Variants in WWOX observed in about 807,000 individuals in gnomAD.
WWOX encodes the protein WW domain-containing oxidoreductase.
A neutral mutation model predicts 46.2 loss-of-function variants in WWOX; 69 were observed. The ratio of observed to expected loss-of-function variants is 1.49; its 90% CI spans 1.23 to 1.82. WWOX has a LOEUF of 1.82. WWOX is among the 40% of genes most tolerant of loss of function. WWOX has a pLI of 0.00. For synonymous variants in WWOX, 359 were observed against 202.6 expected (o/e 1.77, Z -6.56); for missense variants, 919 against 542.6 (o/e 1.69, Z -6.89).
rs139009372 is a variant in WWOX at position 78,266,874 on chromosome 16, C to A, written c.516+102585C>A. ...TCATAGTGATATGGTTTGGCTGTGTCCCCATCCAAATCTCAACTTGAATTG... is the reference window on the plus strand; with the variant it reads ...TCATAGTGATATGGTTTGGCTGTGTACCCATCCAAATCTCAACTTGAATTG... On this transcript the variant is annotated intron_variant, in intron 5 of 8. Coordinates refer to ENST00000566780, the MANE Select transcript of WWOX (RefSeq NM_016373.4). Among the ~76,000 whole-genome samples, 883 of 147,662 alleles carry A rather than the reference C, an allele frequency of 6.0e-3. 4 individuals are homozygous for A. The highest frequency in any genetic ancestry group is 9.1e-3 in the Non-Finnish European group (612 of 67,300).
chr16:78,351,095 T>C (rs1008319149), intron 5 of WWOX, among the ~76,000 whole-genome samples: 4 of 152,260 alleles, frequency 2.6e-5, no homozygotes, highest in Non-Finnish European at 5.9e-5. Flanking sequence ...ATGATTTTTT[T>C]CAGCGGTTAT....
chr16:78,161,119 C>T (rs1015802151), intron 4 of WWOX, among the ~76,000 whole-genome samples: 1 of 151,942 alleles, frequency 6.6e-6, no homozygotes, highest in African/African-American at 2.4e-5. Flanking sequence ...CCGTGTTATA[C>T]AGTATACCTT....
chr16:78,619,407 C>G lies in WWOX; in HGVS notation c.1056+186655C>G, dbSNP rs142705791. On this transcript the variant is annotated intron_variant, in intron 8 of 8. Transcript: ENST00000566780. ...TAATGCAAGTAGAAAAGGGCACACA[C>G]TCCAGGTGTATATCTCAACAAATTT... 6.2e-4 allele frequency among the ~76,000 whole-genome samples: 90 copies of G among 144,564 alleles called. 2 individuals are homozygous for G. The East Asian group carries it at 0.018, about 28-fold the overall frequency. 94.8% of individuals were successfully genotyped at this position (144,564 alleles called of 152,430 possible).
intron 8 of WWOX, among the ~76,000 whole-genome samples, chr16:78,927,442 T>G (rs1042786137): frequency 1.6e-4 from 25 of 152,230 alleles, no homozygotes; most frequent in African/African-American, 5.8e-4. Flanking sequence ...TGTTTGTTTG[T>G]AAATTCTCTG....
chr16:78,340,007 A>T (rs1441179704), intron 5 of WWOX, among the ~76,000 whole-genome samples: 1 of 23,866 alleles, frequency 4.2e-5, no homozygotes, highest in African/African-American at 1.2e-4. Flanking sequence ...TAGTCTTTCC[A>T]TGGATTTGGT....
intron 8 of WWOX, among the ~76,000 whole-genome samples, chr16:79,079,412 TCATC>T (rs938721755): frequency 6.6e-6 from 1 of 152,248 alleles, no homozygotes; most frequent in African/African-American, 2.4e-5. Flanking sequence ...CGGTATCCAT[TCATC>T]CATCCATCCA....
intron 8 of WWOX, among the ~76,000 whole-genome samples, chr16:78,694,231 A>T (rs961752008): frequency 6.6e-6 from 1 of 152,166 alleles, no homozygotes; most frequent in Non-Finnish European, 1.5e-5. Context: ...AAATAAAATA[A>T]AATGGATTTA....
At chr16:78,746,263 C>G (rs960477692) in intron 8 of WWOX, among the ~76,000 whole-genome samples, 3 of 152,122 alleles carry the variant, frequency 2.0e-5, no homozygotes, top group African/African-American at 7.2e-5. Flanking sequence ...ATTGGGAGGC[C>G]AAGGCAGGAG....
intron 6 of WWOX, among the ~76,000 whole-genome samples, chr16:78,417,773 T>C (rs535017420): frequency 4.6e-5 from 7 of 152,308 alleles, no homozygotes; most frequent in African/African-American, 1.2e-4. Flanking sequence ...GCCTATCTCT[T>C]CACAGAGTAG....
Position 78,943,444 on chromosome 16 carries a change from G to T in WWOX, c.1057-268164G>T, listed in dbSNP as rs145283438. On this transcript the variant is annotated intron_variant, in intron 8 of 8. Coordinates refer to ENST00000566780, the MANE Select transcript of WWOX (RefSeq NM_016373.4). ...ATCCAGACCTGGAGAACTCCTAGAGGGAGAAACAGGGAGGACCCAGGCACA... is the reference window on the plus strand; with the variant it reads ...ATCCAGACCTGGAGAACTCCTAGAGTGAGAAACAGGGAGGACCCAGGCACA... 3.6e-4 allele frequency among the ~76,000 whole-genome samples: 54 copies of T among 151,220 alleles called. No homozygotes were observed. The East Asian group carries it at 9.9e-3, about 28-fold the overall frequency.
chr16:78,261,386 C>T (rs1227035107), intron 5 of WWOX, among the ~76,000 whole-genome samples: 1 of 147,722 alleles, frequency 6.8e-6, no homozygotes, highest in East Asian at 2.0e-4. Context: ...GCCTAGGCGA[C>T]AGAGCAAGAC....
chr16:78,253,946 A>G (rs940542327), intron 5 of WWOX, among the ~76,000 whole-genome samples: 1 of 152,272 alleles, frequency 6.6e-6, no homozygotes, highest in East Asian at 1.9e-4. Context: ...TGCCTTACAA[A>G]TTGAGTGCAA....
intron 5 of WWOX, among the ~76,000 whole-genome samples, chr16:78,361,506 C>T (rs192902065): frequency 1.1e-4 from 16 of 152,158 alleles, no homozygotes; most frequent in Admixed American, 5.9e-4. Context: ...CAGTGTTTAC[C>T]ATGATGCTTG....
intron 8 of WWOX, among the ~76,000 whole-genome samples, chr16:78,863,778 A>G (rs996444512): frequency 1.3e-5 from 2 of 152,200 alleles, no homozygotes; most frequent in Non-Finnish European, 2.9e-5. Context: ...TCATAAACAA[A>G]CTATCACAGG....
intron 8 of WWOX, among the ~76,000 whole-genome samples, chr16:78,448,973 G>C (rs1344877272): frequency 6.6e-6 from 1 of 152,176 alleles, no homozygotes; most frequent in East Asian, 1.9e-4. Context: ...TGGTTACAGA[G>C]GGAACTTTTT....
At chr16:79,199,880 G>A (rs79169267) in intron 8 of WWOX, among the ~76,000 whole-genome samples, 3,508 of 152,272 alleles carry the variant, frequency 0.023, 88 homozygotes, top group African/African-American at 0.062. Flanking sequence ...ATCCTAACAG[G>A]TATGGCAGCC....
Position 78,863,745 on chromosome 16 carries a change from C to A in WWOX, c.1057-347863C>A, listed in dbSNP as rs572871709. Among the ~76,000 whole-genome samples the A allele has an allele frequency of 2.0e-5, 3 of 152,294 alleles. No individual in the cohort carries two copies. In the South Asian group the frequency reaches 6.2e-4, roughly 32 times the overall value. On this transcript the variant is annotated intron_variant, in intron 8 of 8. Transcript: ENST00000566780. ...ACAAATGAATAAATTAATGGGTGGT[C>A]ACTGTACTAGTTTTCTATTGCTTCA... is the stretch of plus-strand genomic sequence containing the variant.
chr16:79,081,586 C>G (rs1966516), intron 8 of WWOX, among the ~76,000 whole-genome samples: 1 of 152,182 alleles, frequency 6.6e-6, no homozygotes, highest in Non-Finnish European at 1.5e-5. Flanking sequence ...GAACAAAAAT[C>G]TTTACTCTCT....
intron 8 of WWOX, among the ~76,000 whole-genome samples, chr16:78,747,560 G>T (rs1308146023): frequency 2.0e-5 from 3 of 152,178 alleles, no homozygotes; most frequent in Non-Finnish European, 2.9e-5. Context: ...GGAAACTGAG[G>T]CTAAGAGAGC....
Sources: allele counts gnomAD v4.1 joint callset (sites outside exome capture counted in the v4.1 genomes callset), GRCh38; gene constraint gnomAD v4.1.1; transcripts MANE v1.5; gene names NCBI Gene and HGNC (gene_info 2026-07-23, HGNC 2026-07-21).